The following SEL1L2 variants were observed in gnomAD, a reference collection of about 807,000 sequenced individuals.
SEL1L2 encodes the protein SEL1L2 adaptor subunit of SYVN1 ubiquitin ligase.
In SEL1L2, 89 loss-of-function variants were observed where a neutral mutation model predicts 98.8. That is an observed-to-expected ratio of 0.90 (90% CI 0.76 to 1.07). The LOEUF is 1.07. SEL1L2 is among the 50% of genes least tolerant of loss of function. The pLI, the probability that SEL1L2 is intolerant of heterozygous loss-of-function variation, is 0.00. For missense variants in SEL1L2, 788 were observed against 812.0 expected (o/e 0.97, Z 0.36); for synonymous variants, 262 against 278.5 (o/e 0.94, Z 0.59).
chr20:13,953,411 C>T (rs527496002), intron 2 of SEL1L2, among the ~76,000 whole-genome samples: 1 of 152,306 alleles, frequency 6.6e-6, no homozygotes, highest in South Asian at 2.1e-4. Context: ...CAATGCCATT[C>T]CCCCAGAACA....
At chr20:13,882,273 C>T (rs1386822364) in intron 10 of SEL1L2, among the ~76,000 whole-genome samples, 3 of 152,174 alleles carry the variant, frequency 2.0e-5, no homozygotes, top group Non-Finnish European at 4.4e-5. Flanking sequence ...CCCTGCCATT[C>T]CAAGTTGATT....
chr20:13,905,865 CT>C (rs899582121), intron 5 of SEL1L2, among the ~76,000 whole-genome samples: 1 of 138,472 alleles, frequency 7.2e-6, no homozygotes, highest in African/African-American at 2.7e-5. Flanking sequence ...ATTTCTTTTT[CT>C]TTTCCTTTTT....
Position 13,907,686 on chromosome 20 carries a change from TTCTTTCTTTCTTTC to T in SEL1L2, c.549+6082_549+6095del, listed in dbSNP as rs1161937675. On this transcript the variant is annotated intron_variant, in intron 5 of 19. Transcript: ENST00000284951. ...AAATGAGTAATTTCTCTTTTTCTCT[TTCTTTCTTTCTTTC>T]TCTTTCTTTCTTTCTTTCTTTCTTT... Among the ~76,000 whole-genome samples, 44 of 147,312 alleles carry T rather than the reference TTCTTTCTTTCTTTC, an allele frequency of 3.0e-4. 1 individual carries two copies. The highest frequency in any genetic ancestry group is 9.8e-4 in the African/African-American group (39 of 39,952).
At chr20:13,857,649 C>T (rs1040320975) in intron 18 of SEL1L2, among the ~76,000 whole-genome samples, 1 of 152,226 alleles carries the variant, frequency 6.6e-6, no homozygotes, top group Admixed American at 6.5e-5. Flanking sequence ...GGAAAGCTAA[C>T]ATGAATTTAA....
At chr20:13,900,630 A>T (rs751873316) in intron 5 of SEL1L2, among the ~76,000 whole-genome samples, 31 of 152,216 alleles carry the variant, frequency 2.0e-4, no homozygotes, top group Non-Finnish European at 4.0e-4. Flanking sequence ...CAGGCGACAT[A>T]TGTAGAAACA....
At chr20:13,902,178 A>T (rs1179143791) in intron 5 of SEL1L2, among the ~76,000 whole-genome samples, 2 of 151,944 alleles carry the variant, frequency 1.3e-5, no homozygotes, top group Middle Eastern at 3.2e-3. Context: ...CTAGTACTCA[A>T]TTTGGTCCAG....
chr20:13,888,580 G>A, intron 5 of SEL1L2, 68 bp from the exon 6 acceptor site: 2 of 749,478 alleles, frequency 2.7e-6, no homozygotes, highest in South Asian at 3.4e-5. Context: ...TATGGATAAG[G>A]GATATCTTAA....
At chr20:13,948,193 G>A (rs747450286) in intron 2 of SEL1L2, among the ~76,000 whole-genome samples, 4 of 151,728 alleles carry the variant, frequency 2.6e-5, no homozygotes, top group East Asian at 1.9e-4. Flanking sequence ...TATCCAATGC[G>A]ATCTATAGAT....
chr20:13,973,097 G>C (rs1336598766), intron 1 of SEL1L2, among the ~76,000 whole-genome samples: 1 of 152,122 alleles, frequency 6.6e-6, no homozygotes, highest in Non-Finnish European at 1.5e-5. Context: ...TATGATGTGA[G>C]GGAATTTCTC....
chr20:13,855,730 A>T (rs1013130804), intron 18 of SEL1L2, among the ~76,000 whole-genome samples: 1 of 152,230 alleles, frequency 6.6e-6, no homozygotes, highest in African/African-American at 2.4e-5. Flanking sequence ...GATGGGAAAG[A>T]GACTGGGGGC....
intron 5 of SEL1L2, among the ~76,000 whole-genome samples, chr20:13,904,362 C>CTTA (rs1366184870): frequency 2.0e-5 from 3 of 152,080 alleles, no homozygotes; most frequent in African/African-American, 4.8e-5. Context: ...AACCCTGTCT[C>CTTA]TACTAAAAGA....
At chr20:13,924,252 A>C (rs2048781543) in intron 3 of SEL1L2, among the ~76,000 whole-genome samples, 1 of 151,038 alleles carries the variant, frequency 6.6e-6, no homozygotes, top group South Asian at 2.1e-4. Context: ...TCAATCTAAG[A>C]GTATCTCTTC....
chr20:13,887,920 C>G (rs564715053), intron 7 of SEL1L2, 22 bp downstream of exon 7: 3 of 1,612,872 alleles, frequency 1.9e-6, no homozygotes, highest in African/African-American at 2.7e-5. Flanking sequence ...AATTTGGTTC[C>G]AAGAATATTT....
rs1179965120 is a variant in SEL1L2, at chr20:13,859,307, C to T, written c.1773G>A (p.Met591Ile). ...GTTCATACATATAAGCCAGATTGAA[C>T]ATGGCTTGCGCGTTGTGGTATTTGT... ...AANKYHNAQA[M>I]FNLAYMYEHG... The change falls in exon 18 of 20, where the codon ATG becomes ATA. Residue 591 changes from methionine to isoleucine, a missense_variant. Transcript: ENST00000284951. 1 of 1,614,160 alleles carries T rather than the reference C, an allele frequency of 6.2e-7. No homozygotes were observed. Among genetic ancestry groups the T allele is most frequent in the African/African-American group, 1.3e-5 (1 of 75,064 alleles).
chr20:13,987,707 T>A (rs1376567254), intron 1 of SEL1L2, among the ~76,000 whole-genome samples: 2 of 152,224 alleles, frequency 1.3e-5, no homozygotes, highest in East Asian at 3.8e-4. Flanking sequence ...TAACTCATTG[T>A]GCTTTTTGCT....
intron 3 of SEL1L2, among the ~76,000 whole-genome samples, chr20:13,926,335 A>C (rs899509944): frequency 7.2e-5 from 11 of 152,146 alleles, no homozygotes; most frequent in African/African-American, 2.7e-4. Flanking sequence ...AAATTAAATA[A>C]ATAAAAAATT....
chr20:13,970,041 T>A (rs527734433), intron 1 of SEL1L2, among the ~76,000 whole-genome samples: 2 of 151,484 alleles, frequency 1.3e-5, no homozygotes, highest in African/African-American at 4.9e-5. Context: ...TTTTTTTTTT[T>A]AAAGTTTGCC....
intron 5 of SEL1L2, 126 bp from the exon 6 acceptor site, chr20:13,888,638 T>TCTC: frequency 2.5e-6 from 1 of 396,702 alleles, no homozygotes; most frequent in Non-Finnish European, 4.4e-6. Flanking sequence ...TCTTTCTCTT[T>TCTC]TTTTTTTTTT....
At chr20:13,962,336 T>G (rs1722133177) in intron 1 of SEL1L2, among the ~76,000 whole-genome samples, 1 of 152,216 alleles carries the variant, frequency 6.6e-6, no homozygotes, top group African/African-American at 2.4e-5. Context: ...CAGATGACAC[T>G]TCAAATTCCA....
Sources: gnomAD v4.1 joint callset for allele counts (sites outside exome capture counted in the v4.1 genomes callset) on GRCh38, gnomAD v4.1.1 for gene constraint, MANE v1.5 for transcripts, NCBI Gene and HGNC (gene_info 2026-07-23, HGNC 2026-07-21) for gene names.